DLG2: variants seen among roughly 807,000 people sequenced by gnomAD.
The protein encoded by DLG2 is discs large MAGUK scaffold protein 2.
DLG2 carries 45 observed loss-of-function variants against 132.5 expected under a neutral mutation model. That is an observed-to-expected ratio of 0.34 (90% CI 0.27 to 0.44). The LOEUF (loss-of-function observed/expected upper bound fraction) is 0.44. Ranked by LOEUF, DLG2 falls within the 20% of genes least tolerant of loss-of-function variation. The pLI is 1.00. For missense variants in DLG2, 1,045 were observed against 1,196.9 expected, an observed-to-expected ratio of 0.87 and a Z score of 1.87; for synonymous variants, 424 against 419.6, an observed-to-expected ratio of 1.01 and a Z score of -0.13.
chr11:84,533,283 A>C (rs546813805), intron 7 of DLG2, among the ~76,000 whole-genome samples: 1 of 152,192 alleles, frequency 6.6e-6, no homozygotes, highest in Non-Finnish European at 1.5e-5. Context: ...TGTTTTTCAG[A>C]TGACAGCTCT....
chr11:83,577,841 TA>T (rs1169736120), intron 19 of DLG2, among the ~76,000 whole-genome samples: 1 of 126,218 alleles, frequency 7.9e-6, no homozygotes, highest in Non-Finnish European at 1.6e-5. Flanking sequence ...ATATATTATA[TA>T]ATTATAAATA....
At chr11:84,277,265 C>G in intron 7 of DLG2, among the ~76,000 whole-genome samples, 1 of 152,114 alleles carries the variant, frequency 6.6e-6, no homozygotes, top group East Asian at 1.9e-4. Context: ...TCCACAACAG[C>G]AAAATGTACA....
chr11:84,133,412 A>G (rs1163981532), intron 9 of DLG2, among the ~76,000 whole-genome samples: 2 of 151,994 alleles, frequency 1.3e-5, no homozygotes, highest in Admixed American at 6.6e-5. Flanking sequence ...CAAAATGGCC[A>G]GTGTGGGCTA....
chr11:84,611,897 C>A (rs968378273), intron 6 of DLG2, among the ~76,000 whole-genome samples: 8 of 151,986 alleles, frequency 5.3e-5, no homozygotes, highest in African/African-American at 1.9e-4. Flanking sequence ...GCAATGGAAC[C>A]ATTATAGTGA....
intron 6 of DLG2, among the ~76,000 whole-genome samples, chr11:84,882,706 A>G (rs17147709): frequency 0.08 from 12,234 of 152,104 alleles, 1,058 homozygotes; most frequent in African/African-American, 0.22. Context: ...GAAGTAATGT[A>G]AGGGAGATGG....
intron 3 of DLG2, among the ~76,000 whole-genome samples, chr11:85,358,453 C>A (rs1025142945): frequency 6.6e-6 from 1 of 152,072 alleles, no homozygotes; most frequent in Non-Finnish European, 1.5e-5. Flanking sequence ...ATGTATTTAC[C>A]CATTCAGACA....
intron 7 of DLG2, among the ~76,000 whole-genome samples, chr11:84,382,478 G>C (rs2098752111): frequency 6.6e-6 from 1 of 152,056 alleles, no homozygotes; most frequent in Non-Finnish European, 1.5e-5. Context: ...AAACAATCAA[G>C]AGGCTCCTGT....
At chr11:84,579,263 A>G (rs1444378383) in intron 6 of DLG2, among the ~76,000 whole-genome samples, 1 of 151,906 alleles carries the variant, frequency 6.6e-6, no homozygotes, top group East Asian at 1.9e-4. Flanking sequence ...TTGGTAGTAC[A>G]AAAAGGGTTC....
chr11:84,031,232 T>TAA (rs34137957), intron 11 of DLG2, among the ~76,000 whole-genome samples: 1,769 of 138,658 alleles, frequency 0.013, 37 homozygotes, highest in African/African-American at 0.046. Context: ...TCCAGAAAGG[T>TAA]AAAAAAAAAA....
intron 6 of DLG2, among the ~76,000 whole-genome samples, chr11:84,654,923 C>T (rs893486317): frequency 9.2e-5 from 14 of 152,136 alleles, no homozygotes; most frequent in African/African-American, 3.1e-4. Flanking sequence ...CCACCTGTCT[C>T]ATTAAAGACC....
chr11:84,206,665 G>T (rs559603024), intron 8 of DLG2, among the ~76,000 whole-genome samples: 1 of 152,126 alleles, frequency 6.6e-6, no homozygotes, highest in African/African-American at 2.4e-5. Context: ...AATAGGTACA[G>T]AAAAATAATC....
chr11:85,067,886 G>A (rs888113933), intron 6 of DLG2, among the ~76,000 whole-genome samples: 5 of 151,960 alleles, frequency 3.3e-5, no homozygotes, highest in South Asian at 2.1e-4. Context: ...GATGAACATC[G>A]ATGCAAAAAT....
chr11:83,459,893 T>C lies in DLG2; in HGVS notation c.2853A>G (p.Ile951Met), dbSNP rs1252476217. Residue 951 changes from isoleucine (I) to methionine (M), a missense_variant, in exon 28 of 28, where the codon ATA (isoleucine) becomes ATG (methionine). Coordinates refer to ENST00000376104, the MANE Select transcript of DLG2 (RefSeq NM_001142699.3). ...AIVQGDTLED[I>M]YNQCKLVIEE... ...CAATAACAAGCTTGCATTGGTTATATATATCTTCTAAAGTATCTCCTTGGA... is the reference window on the plus strand; with the variant it reads ...CAATAACAAGCTTGCATTGGTTATACATATCTTCTAAAGTATCTCCTTGGA... 1.9e-6 allele frequency: 3 copies of C among 1,607,438 alleles called. No individual in the cohort carries two copies. The highest frequency in any genetic ancestry group is 2.6e-6 in the Non-Finnish European group (3 of 1,173,938).
chr11:84,124,767 C>T (rs935738161), intron 9 of DLG2, among the ~76,000 whole-genome samples: 1 of 151,190 alleles, frequency 6.6e-6, no homozygotes, highest in African/African-American at 2.4e-5. Context: ...TGTCTTTAGA[C>T]ATGGCACTTA....
At chr11:83,920,558 C>T (rs2077686361) in intron 15 of DLG2, among the ~76,000 whole-genome samples, 1 of 152,010 alleles carries the variant, frequency 6.6e-6, no homozygotes, top group Non-Finnish European at 1.5e-5. Context: ...GAAAAAAAAT[C>T]ATTCTCACCT....
At chr11:85,288,366 T>A (rs939578342) in intron 3 of DLG2, among the ~76,000 whole-genome samples, 1 of 152,134 alleles carries the variant, frequency 6.6e-6, no homozygotes, top group Non-Finnish European at 1.5e-5. Flanking sequence ...GATATACATC[T>A]TTCCCAGATT....
At chr11:84,203,945 G>A (rs1025817460) in intron 8 of DLG2, among the ~76,000 whole-genome samples, 2 of 151,976 alleles carry the variant, frequency 1.3e-5, no homozygotes, top group Admixed American at 6.6e-5. Flanking sequence ...AATAAAAGTC[G>A]GGGAAAAATA....
At chr11:83,934,801 G>A (rs908589173) in intron 14 of DLG2, among the ~76,000 whole-genome samples, 4 of 152,116 alleles carry the variant, frequency 2.6e-5, no homozygotes, top group Admixed American at 6.5e-5. Flanking sequence ...CAAATCTCAT[G>A]TGTCTTTGTT....
At chr11:83,535,786 T>A in intron 20 of DLG2, among the ~76,000 whole-genome samples, 1 of 152,308 alleles carries the variant, frequency 6.6e-6, no homozygotes, top group South Asian at 2.1e-4. Flanking sequence ...CTGCTGAAGT[T>A]GCAACATATA....
Sources: allele counts gnomAD v4.1 joint callset (sites outside exome capture counted in the v4.1 genomes callset), GRCh38; gene constraint gnomAD v4.1.1; transcripts MANE v1.5; gene names NCBI Gene and HGNC (gene_info 2026-07-23, HGNC 2026-07-21).